The following SLIT3 variants were observed in gnomAD, a reference collection of about 807,000 sequenced individuals.
The protein encoded by SLIT3 is slit guidance ligand 3, also known as slit homolog 3 protein.
Under a neutral mutation model 184.0 loss-of-function variants are expected in SLIT3, and 68 were observed. That is an observed-to-expected ratio of 0.37 (90% CI 0.30 to 0.45). The LOEUF is 0.45. Among genes scored for constraint, SLIT3 ranks in the 20% least tolerant of loss-of-function variants. SLIT3 has a pLI of 1.00. For synonymous variants in SLIT3, 831 were observed against 828.6 expected (o/e 1.00, Z -0.05); for missense variants, 1,707 against 2,026.0 (o/e 0.84, Z 3.02).
At chr5:169,207,852 A>G (rs1207773432) in intron 3 of SLIT3, among the ~76,000 whole-genome samples, 1 of 152,204 alleles carries the variant, frequency 6.6e-6, no homozygotes, top group Non-Finnish European at 1.5e-5. Context: ...CATCTTCCAC[A>G]ATGTGAGCAC....
At chr5:169,130,644 T>C (rs1761261137) in intron 4 of SLIT3, among the ~76,000 whole-genome samples, 1 of 152,214 alleles carries the variant, frequency 6.6e-6, no homozygotes, top group Non-Finnish European at 1.5e-5. Flanking sequence ...ATTTGTTACA[T>C]GAGCAAATAT....
At chr5:168,860,471 T>C (rs994981314) in intron 5 of SLIT3, among the ~76,000 whole-genome samples, 2 of 152,114 alleles carry the variant, frequency 1.3e-5, no homozygotes, top group African/African-American at 4.8e-5. Context: ...TTTAGGGGTA[T>C]ATTAATTATG....
At chr5:168,849,298 G>A (rs946690696) in intron 5 of SLIT3, among the ~76,000 whole-genome samples, 13 of 152,186 alleles carry the variant, frequency 8.5e-5, no homozygotes, top group African/African-American at 3.1e-4. Flanking sequence ...CTTAGCCTGA[G>A]GGCACTGTCC....
At chr5:168,779,667 G>T (rs1229449538) in intron 12 of SLIT3, among the ~76,000 whole-genome samples, 3 of 152,210 alleles carry the variant, frequency 2.0e-5, no homozygotes, top group Non-Finnish European at 2.9e-5. Flanking sequence ...AAGCCACTGG[G>T]AGTCAAAAAA....
intron 6 of SLIT3, among the ~76,000 whole-genome samples, chr5:168,834,352 A>G (rs1757973284): frequency 6.6e-6 from 1 of 152,106 alleles, no homozygotes; most frequent in Non-Finnish European, 1.5e-5. Context: ...CCAGGTTTGG[A>G]TAAAAATGGG....
chr5:169,166,999 A>G (rs988213784), intron 4 of SLIT3, among the ~76,000 whole-genome samples: 1 of 152,020 alleles, frequency 6.6e-6, no homozygotes, highest in African/African-American at 2.4e-5. Context: ...AGACCCCTCC[A>G]TGTCTGAAAA....
chr5:169,029,423 G>C (rs900129291), intron 4 of SLIT3, among the ~76,000 whole-genome samples: 16 of 152,130 alleles, frequency 1.1e-4, no homozygotes, highest in Admixed American at 9.8e-4. Context: ...TCCTCTCCTC[G>C]GACCTACTGC....
chr5:168,675,630 GT>G (rs1761383817), intron 32 of SLIT3, among the ~76,000 whole-genome samples: 1 of 152,210 alleles, frequency 6.6e-6, no homozygotes. Flanking sequence ...AAGCTGGGAG[GT>G]TGAGGCAGGA....
intron 4 of SLIT3, among the ~76,000 whole-genome samples, chr5:168,998,893 C>CTGTGTGTGTGTGTGTGTGTGTGTGTG (rs71575505): frequency 2.8e-5 from 4 of 143,190 alleles, no homozygotes; most frequent in African/African-American, 1.0e-4. Flanking sequence ...ACCCAGAAAT[C>CTGTGTGTGTGTGTGTGTGTGTGTGTG]TGTGTGTGTG....
At chr5:169,200,133 G>A (rs995021905) in intron 3 of SLIT3, among the ~76,000 whole-genome samples, 1 of 152,176 alleles carries the variant, frequency 6.6e-6, no homozygotes, top group African/African-American at 2.4e-5. Flanking sequence ...TGAGCAGGGC[G>A]AAGGGGTCAC....
chr5:169,147,690 C>CAA (rs1761971042), intron 4 of SLIT3, among the ~76,000 whole-genome samples: 2 of 152,214 alleles, frequency 1.3e-5, no homozygotes, highest in Non-Finnish European at 2.9e-5. Flanking sequence ...CCCTCTGCCC[C>CAA]TTTCTCTCTA....
intron 4 of SLIT3, among the ~76,000 whole-genome samples, chr5:169,184,772 G>A (rs1443433171): frequency 1.3e-5 from 2 of 152,172 alleles, no homozygotes; most frequent in Non-Finnish European, 2.9e-5. Context: ...GTGGTGCTAG[G>A]CCAGCACAAT....
intron 1 of SLIT3, among the ~76,000 whole-genome samples, chr5:169,259,916 A>C (rs1766106454): frequency 6.6e-6 from 1 of 152,132 alleles, no homozygotes; most frequent in Non-Finnish European, 1.5e-5. Context: ...GAATTTGCAA[A>C]ATGAAACGTT....
At chr5:169,068,825 C>A (rs753158699) in intron 4 of SLIT3, among the ~76,000 whole-genome samples, 1 of 139,212 alleles carries the variant, frequency 7.2e-6, no homozygotes, top group East Asian at 2.0e-4. Flanking sequence ...TCTTAAATAT[C>A]CACATTTTAA....
intron 4 of SLIT3, among the ~76,000 whole-genome samples, chr5:169,118,594 TG>T (rs1413242645): frequency 3.3e-5 from 5 of 152,232 alleles, no homozygotes; most frequent in Admixed American, 6.5e-5. Flanking sequence ...CAGTCTGTTC[TG>T]GTTCTGTAAA....
At chr5:169,051,842 G>A (rs998357093) in intron 4 of SLIT3, among the ~76,000 whole-genome samples, 2 of 152,098 alleles carry the variant, frequency 1.3e-5, no homozygotes, top group African/African-American at 4.8e-5. Flanking sequence ...GGAAGAGAGT[G>A]AAAGAGGGAG....
At chr5:168,990,699 C>T (rs574934048) in intron 4 of SLIT3, among the ~76,000 whole-genome samples, 6 of 152,194 alleles carry the variant, frequency 3.9e-5, no homozygotes, top group South Asian at 2.1e-4. Flanking sequence ...AACCTTCTGT[C>T]GAATGGAGTT....
chr5:168,890,136 C>CA (rs1408511557), intron 4 of SLIT3, among the ~76,000 whole-genome samples: 4 of 71,880 alleles, frequency 5.6e-5, no homozygotes, highest in African/African-American at 2.6e-4. Flanking sequence ...GAGACTCCAT[C>CA]TAAAAAAAAA....
intron 15 of SLIT3, among the ~76,000 whole-genome samples, chr5:168,761,146 C>T (rs1453733225): frequency 6.6e-6 from 1 of 152,144 alleles, no homozygotes; most frequent in Non-Finnish European, 1.5e-5. Context: ...CTGGAGGAAG[C>T]CTCCTTCGGC....
Sources: allele counts gnomAD v4.1 joint callset (sites outside exome capture counted in the v4.1 genomes callset), GRCh38; gene constraint gnomAD v4.1.1; transcripts MANE v1.5; gene names NCBI Gene and HGNC (gene_info 2026-07-23, HGNC 2026-07-21).